NCAM1: variants seen among roughly 807,000 people sequenced by gnomAD.
NCAM1 encodes the protein antigen recognized by monoclonal antibody 5.1H11.
A neutral mutation model predicts 109.8 loss-of-function variants in NCAM1; 14 were observed. The observed-to-expected ratio is 0.13, with a 90% CI of 0.08 to 0.20. The LOEUF (loss-of-function observed/expected upper bound fraction) is 0.20, where lower values mean the gene tolerates loss of function less well. NCAM1 is among the 10% of genes least tolerant of loss of function. NCAM1 has a pLI of 1.00. For synonymous variants in NCAM1, 418 were observed against 442.9 expected (o/e 0.94, Z 0.70); for missense variants, 774 against 1,109.9 (o/e 0.70, Z 4.30).
intron 1 of NCAM1, among the ~76,000 whole-genome samples, chr11:113,173,592 A>AT (rs1943056583): frequency 9.4e-4 from 1 of 1,060 alleles, no homozygotes; most frequent in Non-Finnish European, 1.5e-3. Context: ...ATGTTACCTG[A>AT]TATATATATA....
intron 8 of NCAM1, among the ~76,000 whole-genome samples, chr11:113,215,627 C>T (rs1303135203): frequency 6.6e-6 from 1 of 152,196 alleles, no homozygotes; most frequent in Non-Finnish European, 1.5e-5. Context: ...TCAAATGGAA[C>T]AGAAATTGCT....
intron 1 of NCAM1, among the ~76,000 whole-genome samples, chr11:112,978,840 G>A (rs1951074864): frequency 6.6e-6 from 1 of 151,790 alleles, no homozygotes; most frequent in Admixed American, 6.6e-5. Context: ...GTATAATCAT[G>A]GAGACAAAGC....
At chr11:113,258,603 C>T (rs1047638375) in intron 16 of NCAM1, among the ~76,000 whole-genome samples, 1 of 152,176 alleles carries the variant, frequency 6.6e-6, no homozygotes, top group Non-Finnish European at 1.5e-5. Flanking sequence ...GACTGTAGTT[C>T]ACAATTACCT....
intron 1 of NCAM1, among the ~76,000 whole-genome samples, chr11:112,982,326 G>T (rs1951174901): frequency 6.6e-6 from 1 of 151,912 alleles, no homozygotes; most frequent in Non-Finnish European, 1.5e-5. Flanking sequence ...TGTAAAAAGG[G>T]TGCTAGCTGG....
At chr11:113,051,106 G>A (rs1396544045) in intron 1 of NCAM1, among the ~76,000 whole-genome samples, 2 of 152,138 alleles carry the variant, frequency 1.3e-5, no homozygotes, top group Non-Finnish European at 2.9e-5. Flanking sequence ...ATTTCTACTA[G>A]GTCATGTGCA....
chr11:113,216,044 A>G (rs1380573141), intron 8 of NCAM1, among the ~76,000 whole-genome samples: 1 of 152,074 alleles, frequency 6.6e-6, no homozygotes, highest in African/African-American at 2.4e-5. Flanking sequence ...TATCTTTTCT[A>G]GGAATAGCTC....
chr11:113,193,696 A>G (rs1555110289), intron 1 of NCAM1, among the ~76,000 whole-genome samples: 1 of 152,108 alleles, frequency 6.6e-6, no homozygotes, highest in Non-Finnish European at 1.5e-5. Flanking sequence ...AAAGAGAGAA[A>G]GAGAAAGGGA....
intron 1 of NCAM1, among the ~76,000 whole-genome samples, chr11:113,166,798 C>T (rs1555105372): frequency 6.6e-6 from 1 of 152,112 alleles, no homozygotes; most frequent in African/African-American, 2.4e-5. Context: ...TCTATTCTAC[C>T]TACTGTATGT....
At position 113,193,096 on chromosome 11, in the gene NCAM1, T is replaced by C. The variant is rs545446794; in HGVS notation, c.53-9283T>C. Among the ~76,000 whole-genome samples the C allele has an allele frequency of 1.4e-3, 215 of 152,270 alleles. No individual in the cohort carries two copies. The South Asian group carries it at 0.017, about 12-fold the overall frequency. ...CACTCCTGGCCTGGAATCTGGCCCTTTTGGAGCTCTATGGAGATACTTCTG... is the reference window on the plus strand; with the variant it reads ...CACTCCTGGCCTGGAATCTGGCCCTCTTGGAGCTCTATGGAGATACTTCTG... On this transcript the variant is annotated intron_variant, in intron 1 of 19. Transcript: ENST00000316851.
intron 1 of NCAM1, among the ~76,000 whole-genome samples, chr11:113,074,642 A>AT (rs1938445396): frequency 6.6e-6 from 1 of 151,948 alleles, no homozygotes; most frequent in Non-Finnish European, 1.5e-5. Context: ...ATTTTATTTT[A>AT]TTTTTTTGAG....
intron 1 of NCAM1, among the ~76,000 whole-genome samples, chr11:113,126,951 G>A (rs1274211729): frequency 2.0e-5 from 3 of 152,204 alleles, no homozygotes; most frequent in African/African-American, 7.2e-5. Flanking sequence ...GACATGTCCA[G>A]GTTTAAACTT....
chr11:112,969,983 A>G (rs1950833738), intron 1 of NCAM1, among the ~76,000 whole-genome samples: 1 of 152,136 alleles, frequency 6.6e-6, no homozygotes, highest in South Asian at 2.1e-4. Flanking sequence ...GGGGGAAAAA[A>G]GAGGTATAGA....
chr11:113,234,736 AT>A (rs1305641762), intron 13 of NCAM1, among the ~76,000 whole-genome samples: 9 of 152,198 alleles, frequency 5.9e-5, no homozygotes, highest in African/African-American at 2.2e-4. Flanking sequence ...ATTGTGAATG[AT>A]GCTGCTGTGA....
intron 1 of NCAM1, among the ~76,000 whole-genome samples, chr11:112,975,218 G>C (rs369637329): frequency 6.6e-6 from 1 of 152,054 alleles, no homozygotes; most frequent in East Asian, 1.9e-4. Context: ...ATAGAAAGAC[G>C]TGGACTTGGC....
chr11:112,992,273 C>A (rs1555070688), intron 1 of NCAM1, among the ~76,000 whole-genome samples: 2 of 152,032 alleles, frequency 1.3e-5, no homozygotes. Context: ...AACACTAGTT[C>A]ACTGATTACT....
In NCAM1 at chr11:113,253,108, C is replaced by T. The variant is rs1591461865; in HGVS notation, c.1829-2769C>T. ...TGGTATAGATTTTGATGGCTTTTCT[C>T]CGATTCAAATTACATTTTTTCTGAA... On this transcript the variant is annotated intron_variant, in intron 15 of 19. Coordinates refer to ENST00000316851, the MANE Select transcript of NCAM1 (RefSeq NM_181351.5). Among the ~76,000 whole-genome samples, 6 of 152,104 alleles carry T rather than the reference C, an allele frequency of 3.9e-5. 1 individual carries two copies. Among genetic ancestry groups the T allele is most frequent in the Admixed American group, 3.9e-4 (6 of 15,264 alleles).
chr11:113,022,868 A>G (rs1555076481), intron 1 of NCAM1, among the ~76,000 whole-genome samples: 1 of 152,144 alleles, frequency 6.6e-6, no homozygotes, highest in Non-Finnish European at 1.5e-5. Flanking sequence ...ATCACACTAC[A>G]TCTGCATTCT....
rs549159841 is a variant in NCAM1, at chr11:113,269,917, C to T, written c.2132-271C>T. 26 of 527,710 alleles carry T rather than the reference C, an allele frequency of 4.9e-5. No individual in the cohort carries two copies. The East Asian group carries it at 8.6e-4, about 17-fold the overall frequency. 32.7% of individuals were successfully genotyped at this position (527,710 alleles called of 1,614,324 possible). On this transcript the variant is annotated intron_variant, in intron 17 of 19. Coordinates refer to ENST00000316851, the MANE Select transcript of NCAM1 (RefSeq NM_181351.5). ...TCTCAGACAGGCGGGGCTCAGTCTG[C>T]TCCCAGGACTCACGGGAGGCCAGCT... is the stretch of plus-strand genomic sequence containing the variant.
chr11:113,208,065 T>A, intron 7 of NCAM1, 63 bp downstream of exon 7: 1 of 1,524,444 alleles, frequency 6.6e-7, no homozygotes, highest in Admixed American at 1.9e-5. Flanking sequence ...GCACATTCAG[T>A]CCATCAGTAA....
Sources: allele counts gnomAD v4.1 joint callset (sites outside exome capture counted in the v4.1 genomes callset), GRCh38; gene constraint gnomAD v4.1.1; transcripts MANE v1.5; gene names NCBI Gene and HGNC (gene_info 2026-07-23, HGNC 2026-07-21).